Variants in TASP1 observed in about 807,000 individuals in gnomAD.
TASP1 encodes taspase 1.
In TASP1, 16 loss-of-function variants were observed where a neutral mutation model predicts 56.6. That is an observed-to-expected ratio of 0.28 (90% CI 0.19 to 0.43). The LOEUF is 0.43. Among genes scored for constraint, TASP1 ranks in the 20% least tolerant of loss-of-function variants. The pLI, the probability that TASP1 is intolerant of heterozygous loss-of-function variation, is 1.00. For missense variants in TASP1, 393 were observed against 511.6 expected, an observed-to-expected ratio of 0.77 and a Z score of 2.24; for synonymous variants, 179 against 184.2, an observed-to-expected ratio of 0.97 and a Z score of 0.23.
At chr20:13,609,573 A>G (rs1359306911) in intron 4 of TASP1, among the ~76,000 whole-genome samples, 3 of 151,866 alleles carry the variant, frequency 2.0e-5, no homozygotes, top group Non-Finnish European at 2.9e-5. Flanking sequence ...CTATAATCCC[A>G]GCTACTGGGG....
the TASP1 span, chr20:13,244,037 C>G: frequency 6.6e-6 from 1 of 152,192 alleles, no homozygotes; most frequent in African/African-American, 2.4e-5. Flanking sequence ...ACTGGTGATT[C>G]ATCTGCAGGT....
At chr20:13,161,308 A>C in the TASP1 span, among the ~76,000 whole-genome samples, 1,020 of 152,340 alleles carry the variant, frequency 6.7e-3, 9 homozygotes, top group Non-Finnish European at 0.012. Flanking sequence ...GAATGAGCTC[A>C]GTCCTAGACA....
chr20:13,427,920 G>A (rs2042672805), intron 12 of TASP1, among the ~76,000 whole-genome samples: 1 of 152,168 alleles, frequency 6.6e-6, no homozygotes, highest in Non-Finnish European at 1.5e-5. Context: ...GTTATTCTCT[G>A]CATAAGGTGG....
chr20:13,400,802 G>T (rs1016484455), intron 13 of TASP1, among the ~76,000 whole-genome samples: 1 of 152,172 alleles, frequency 6.6e-6, no homozygotes, highest in African/African-American at 2.4e-5. Context: ...CAAATTTTCA[G>T]TATTGCTTTA....
At chr20:13,305,214 A>G in the TASP1 span, among the ~76,000 whole-genome samples, 4 of 152,036 alleles carry the variant, frequency 2.6e-5, no homozygotes, top group Non-Finnish European at 5.9e-5. Flanking sequence ...AAAAAAAAAA[A>G]AAAAACCCTT....
At chr20:13,323,091 G>A in the TASP1 span, among the ~76,000 whole-genome samples, 3 of 152,042 alleles carry the variant, frequency 2.0e-5, no homozygotes, top group Non-Finnish European at 4.4e-5. Flanking sequence ...ACAGCGTCTC[G>A]GAGGAAAAAT....
chr20:13,589,943 A>G (rs534166396), intron 4 of TASP1, among the ~76,000 whole-genome samples: 1 of 152,304 alleles, frequency 6.6e-6, no homozygotes, highest in Non-Finnish European at 1.5e-5. Flanking sequence ...TAAAAACAGA[A>G]AAATGTGGCC....
intron 13 of TASP1, among the ~76,000 whole-genome samples, chr20:13,410,138 G>A (rs185871388): frequency 1.1e-4 from 16 of 152,286 alleles, no homozygotes. Context: ...AATCCATGCT[G>A]TTGCAAATGA....
intron 10 of TASP1, among the ~76,000 whole-genome samples, chr20:13,489,654 T>A (rs1364948088): frequency 6.6e-6 from 1 of 152,190 alleles, no homozygotes; most frequent in Non-Finnish European, 1.5e-5. Context: ...TTCCCAGGCA[T>A]CTGTTACACG....
At chr20:13,442,678 C>T (rs910028536) in intron 11 of TASP1, among the ~76,000 whole-genome samples, 6 of 144,180 alleles carry the variant, frequency 4.2e-5, no homozygotes, top group Non-Finnish European at 8.8e-5. Context: ...AAAACAGAGA[C>T]AGAGAGAGAA....
chr20:13,153,035 C>T, the TASP1 span, among the ~76,000 whole-genome samples: 2 of 152,186 alleles, frequency 1.3e-5, no homozygotes, highest in African/African-American at 2.4e-5. Flanking sequence ...ACCAATAAGA[C>T]GAAAGACTGT....
At chr20:13,292,031 A>G in the TASP1 span, among the ~76,000 whole-genome samples, 1 of 152,114 alleles carries the variant, frequency 6.6e-6, no homozygotes, top group African/African-American at 2.4e-5. Context: ...GATATTAAAC[A>G]CTACGTTCTA....
chr20:13,378,768 G>A, the TASP1 span, among the ~76,000 whole-genome samples: 3 of 152,134 alleles, frequency 2.0e-5, no homozygotes, highest in Non-Finnish European at 4.4e-5. Flanking sequence ...TGTATTGTGT[G>A]CATATATATT....
chr20:13,520,887 T>G (rs1477927990), intron 10 of TASP1, among the ~76,000 whole-genome samples: 3 of 152,102 alleles, frequency 2.0e-5, no homozygotes, highest in African/African-American at 4.8e-5. Flanking sequence ...GACAAAGGGC[T>G]AATATCCAGA....
intron 10 of TASP1, among the ~76,000 whole-genome samples, chr20:13,517,846 C>A (rs2044597446): frequency 6.6e-6 from 1 of 151,990 alleles, no homozygotes; most frequent in Non-Finnish European, 1.5e-5. Flanking sequence ...TATGAAGTGA[C>A]CTAATTAGAG....
intron 11 of TASP1, among the ~76,000 whole-genome samples, chr20:13,454,610 G>A (rs544565296): frequency 2.0e-5 from 3 of 152,162 alleles, no homozygotes; most frequent in Non-Finnish European, 2.9e-5. Context: ...CCAAATGTGC[G>A]CAAGTGGTTA....
chr20:13,276,816 A>G, the TASP1 span, among the ~76,000 whole-genome samples: 1 of 152,218 alleles, frequency 6.6e-6, no homozygotes, highest in Non-Finnish European at 1.5e-5. Flanking sequence ...CCATTGGAGA[A>G]GTCATTGATC....
At position 13,529,130 on chromosome 20, in the gene TASP1, T is replaced by G. The variant is rs1019343037; in HGVS notation, c.796-619A>C. 2.0e-4 allele frequency among the ~76,000 whole-genome samples: 31 copies of G among 152,260 alleles called. No homozygotes were observed. The South Asian group carries it at 2.7e-3, about 13-fold the overall frequency. On this transcript the variant is annotated intron_variant, in intron 9 of 13. Transcript: ENST00000337743. ...GCCCAATATATGCTCACTACTGTGC[T>G]AGATTCAGCCAGATGAAAAGAAAGG...
chr20:13,271,263 A>G, the TASP1 span, among the ~76,000 whole-genome samples: 4 of 152,210 alleles, frequency 2.6e-5, no homozygotes, highest in Non-Finnish European at 5.9e-5. Context: ...CCGTTACTCT[A>G]AAGTATACAT....
Sources: allele counts gnomAD v4.1 joint callset (sites outside exome capture counted in the v4.1 genomes callset), GRCh38; gene constraint gnomAD v4.1.1; transcripts MANE v1.5; gene names NCBI Gene and HGNC (gene_info 2026-07-23, HGNC 2026-07-21).